Variants in EYA1 observed in about 807,000 individuals in gnomAD.
EYA1 encodes EYA transcriptional coactivator and phosphatase 1, also known as protein phosphatase EYA1.
Under a neutral mutation model 82.0 loss-of-function variants are expected in EYA1, and 16 were observed. The ratio of observed to expected loss-of-function variants is 0.20; its 90% CI spans 0.13 to 0.30. The LOEUF (loss-of-function observed/expected upper bound fraction) is 0.30. EYA1 is among the 10% of genes least tolerant of loss of function. The pLI, the probability that EYA1 is intolerant of heterozygous loss-of-function variation, is 1.00. For synonymous variants in EYA1, 261 were observed against 264.4 expected (o/e 0.99, Z 0.12); for missense variants, 633 against 730.7 (o/e 0.87, Z 1.54).
chr8:71,538,363 GAATGAATGAATAAAATGAATA>G (rs1814876586), intron 1 of EYA1, among the ~76,000 whole-genome samples: 1 of 152,110 alleles, frequency 6.6e-6, no homozygotes, highest in Admixed American at 6.5e-5. Context: ...TAAATATTTT[GAATGAATGAATAAAATGAATA>G]AATGAATGAA....
intron 11 of EYA1, among the ~76,000 whole-genome samples, chr8:71,257,744 T>C (rs1188337054): frequency 6.6e-6 from 1 of 152,232 alleles, no homozygotes; most frequent in East Asian, 1.9e-4. Context: ...GATCATCTCA[T>C]ACATTTAGCA....
intron 7 of EYA1, among the ~76,000 whole-genome samples, chr8:71,307,116 G>A (rs1303912339): frequency 1.3e-5 from 2 of 152,098 alleles, no homozygotes; most frequent in African/African-American, 4.8e-5. Context: ...GGTGGGGAGG[G>A]GGACAGTTTG....
intron 2 of EYA1, among the ~76,000 whole-genome samples, chr8:71,466,375 G>T (rs376918575): frequency 5.5e-4 from 84 of 152,180 alleles, no homozygotes; most frequent in African/African-American, 2.0e-3. Context: ...ATCAGAAAAG[G>T]CAAGGCAAAA....
intron 11 of EYA1, among the ~76,000 whole-genome samples, chr8:71,250,692 T>C (rs933733487): frequency 6.6e-6 from 1 of 152,362 alleles, no homozygotes; most frequent in East Asian, 1.9e-4. Context: ...TTCTCTCTCT[T>C]TACAGCCTTT....
chr8:71,426,393 C>T (rs1467350742), intron 2 of EYA1, among the ~76,000 whole-genome samples: 1 of 152,196 alleles, frequency 6.6e-6, no homozygotes, highest in Admixed American at 6.5e-5. Flanking sequence ...ACAAGATCTA[C>T]CAATTGCCAA....
At chr8:71,220,005 T>C (rs893532255) in intron 12 of EYA1, among the ~76,000 whole-genome samples, 6 of 152,158 alleles carry the variant, frequency 3.9e-5, no homozygotes, top group Admixed American at 3.3e-4. Context: ...CAGGGCCTGA[T>C]TTCAGAGTCC....
At chr8:71,316,441 C>T (rs1821935842) in intron 7 of EYA1, among the ~76,000 whole-genome samples, 1 of 151,996 alleles carries the variant, frequency 6.6e-6, no homozygotes, top group Non-Finnish European at 1.5e-5. Context: ...CAAAAGGATA[C>T]CATAGAACAG....
chr8:71,447,823 A>G (rs754475228), intron 2 of EYA1, among the ~76,000 whole-genome samples: 1 of 152,188 alleles, frequency 6.6e-6, no homozygotes, highest in Non-Finnish European at 1.5e-5. Flanking sequence ...TCATTCAGCA[A>G]GTCTTTTGGC....
At chr8:71,218,271 A>ACTT (rs1809459162) in intron 12 of EYA1, among the ~76,000 whole-genome samples, 1 of 152,174 alleles carries the variant, frequency 6.6e-6, no homozygotes, top group Non-Finnish European at 1.5e-5. Flanking sequence ...CTTAGACTCA[A>ACTT]CTTCATAACA....
intron 3 of EYA1, among the ~76,000 whole-genome samples, chr8:71,346,431 A>AATATATATAGAT (rs770393582): frequency 4.7e-5 from 5 of 105,492 alleles, no homozygotes; most frequent in African/African-American, 1.7e-4. Context: ...TACTGCAGTG[A>AATATATATAGAT]ATATATATAT....
intron 6 of EYA1, among the ~76,000 whole-genome samples, chr8:71,321,215 C>T (rs1320735901): frequency 6.6e-6 from 1 of 152,142 alleles, no homozygotes; most frequent in Non-Finnish European, 1.5e-5. Flanking sequence ...CCCGATTTGC[C>T]TCTTCAAAGT....
chr8:71,237,015 C>T (rs920689268), intron 12 of EYA1, among the ~76,000 whole-genome samples: 1 of 151,928 alleles, frequency 6.6e-6, no homozygotes, highest in Non-Finnish European at 1.5e-5. Flanking sequence ...TAAACCTTTG[C>T]CTATTTCATG....
intron 4 of EYA1, among the ~76,000 whole-genome samples, chr8:71,326,079 C>G (rs1025661914): frequency 6.6e-6 from 1 of 152,150 alleles, no homozygotes; most frequent in African/African-American, 2.4e-5. Context: ...TACGGACAAC[C>G]AATATCTCTT....
chr8:71,418,509 G>C (rs891482244), intron 2 of EYA1, among the ~76,000 whole-genome samples: 2 of 152,054 alleles, frequency 1.3e-5, no homozygotes, highest in Non-Finnish European at 2.9e-5. Flanking sequence ...TAGAATGCTA[G>C]TAACACAAAC....
At chr8:71,250,866 T>C (rs1445154460) in intron 11 of EYA1, among the ~76,000 whole-genome samples, 2 of 152,198 alleles carry the variant, frequency 1.3e-5, no homozygotes, top group African/African-American at 4.8e-5. Flanking sequence ...ATATTTCAAA[T>C]AATTCCAGTG....
intron 9 of EYA1, among the ~76,000 whole-genome samples, chr8:71,296,468 A>C (rs1176766300): frequency 2.0e-5 from 3 of 152,108 alleles, no homozygotes; most frequent in Non-Finnish European, 4.4e-5. Flanking sequence ...GAAATCATGA[A>C]GCATGAGATA....
At chr8:71,310,333 T>A (rs1779201538) in intron 7 of EYA1, among the ~76,000 whole-genome samples, 1 of 152,216 alleles carries the variant, frequency 6.6e-6, no homozygotes, top group Non-Finnish European at 1.5e-5. Context: ...GTCATGGAGG[T>A]TTGGTGTACA....
chr8:71,505,643 G>A (rs1023148554), intron 2 of EYA1, among the ~76,000 whole-genome samples: 6 of 152,140 alleles, frequency 3.9e-5, no homozygotes, highest in African/African-American at 1.4e-4. Flanking sequence ...TTTTTTGTGG[G>A]TGTGGCAATT....
intron 2 of EYA1, among the ~76,000 whole-genome samples, chr8:71,498,717 C>T (rs972430698): frequency 1.5e-4 from 23 of 152,172 alleles, no homozygotes; most frequent in African/African-American, 5.3e-4. Context: ...AATCAATCTC[C>T]GAGTCGGTTA....
Sources: allele counts gnomAD v4.1 joint callset (sites outside exome capture counted in the v4.1 genomes callset), GRCh38; gene constraint gnomAD v4.1.1; transcripts MANE v1.5; gene names NCBI Gene and HGNC (gene_info 2026-07-23, HGNC 2026-07-21).